The following ATE1 variants were observed in gnomAD, a reference collection of about 807,000 sequenced individuals.
ATE1 encodes arginyltransferase 1.
In ATE1, 36 loss-of-function variants were observed where a neutral mutation model predicts 70.5. That is an observed-to-expected ratio of 0.51 (90% CI 0.39 to 0.67). The LOEUF (loss-of-function observed/expected upper bound fraction) is 0.67, where lower values mean the gene tolerates loss of function less well. Ranked by LOEUF, ATE1 falls within the 30% of genes least tolerant of loss-of-function variation. The pLI, the probability that ATE1 is intolerant of heterozygous loss-of-function variation, is 0.00. For synonymous variants in ATE1, 232 were observed against 219.3 expected, an observed-to-expected ratio of 1.06 and a Z score of -0.51; for missense variants, 593 against 629.5, an observed-to-expected ratio of 0.94 and a Z score of 0.62.
intron 10 of ATE1, among the ~76,000 whole-genome samples, chr10:121,828,415 C>T (rs750620944): frequency 3.3e-5 from 5 of 152,208 alleles, no homozygotes; most frequent in African/African-American, 7.2e-5. Flanking sequence ...TTCTTCTGGT[C>T]TGTCTCGAGC....
chr10:121,927,213 C>T (rs1025561416), intron 1 of ATE1: 3 of 985,236 alleles, frequency 3.0e-6, no homozygotes, highest in Admixed American at 1.2e-4. Context: ...GCTTTGCTGT[C>T]GTCCGGGTGG....
Position 121,922,435 on chromosome 10 carries a change from T to C in ATE1, c.171-24A>G, listed in dbSNP as rs375558958. The C allele has an allele frequency of 1.8e-4, 259 of 1,456,908 alleles. 1 individual carries two copies. The highest frequency in any genetic ancestry group is 8.2e-4 in the Admixed American group (46 of 56,098). The allele number at this position is 1,456,908 out of a possible 1,614,324, so 90.2% of individuals were successfully genotyped here. The stretch of plus-strand genomic sequence containing the variant: ...TTCTAAAATTATAAAAATAGTTTGT[T>C]AATGTCTTATATATTTTTCACTTGC... On this transcript the variant is annotated intron_variant, in intron 2 of 11. Transcript: ENST00000224652.
At chr10:121,925,960 C>T (rs988520606) in intron 1 of ATE1, among the ~76,000 whole-genome samples, 7 of 151,910 alleles carry the variant, frequency 4.6e-5, no homozygotes, top group African/African-American at 1.7e-4. Context: ...AATCCCAGCA[C>T]TTTGGGAGGC....
At chr10:121,918,277 G>T (rs1325045024) in intron 3 of ATE1, among the ~76,000 whole-genome samples, 1 of 151,034 alleles carries the variant, frequency 6.6e-6, no homozygotes, top group Non-Finnish European at 1.5e-5. Context: ...AGGTTTCAGT[G>T]AGCAGAGATC....
Position 121,755,698 on chromosome 10 carries a change from A to G in ATE1, c.1379-11840T>C, listed in dbSNP as rs1693676. Among the ~76,000 whole-genome samples, 6 of 151,996 alleles carry G rather than the reference A, an allele frequency of 3.9e-5. No individual in the cohort carries two copies. In the East Asian group the frequency reaches 1.2e-3, roughly 30 times the overall value. ...CTTACATGGATGGTGGCAGGCAGAG[A>G]GCTTGTGCAGGGCAACTCCCATTTT... is the stretch of plus-strand genomic sequence containing the variant. On this transcript the variant is annotated intron_variant, in intron 11 of 11. Transcript: ENST00000224652.
chr10:121,911,526 C>T (rs1951431799), intron 4 of ATE1, among the ~76,000 whole-genome samples: 1 of 152,122 alleles, frequency 6.6e-6, no homozygotes, highest in African/African-American at 2.4e-5. Flanking sequence ...GACCAAGCTC[C>T]TGCCAACAGA....
intron 7 of ATE1, among the ~76,000 whole-genome samples, chr10:121,881,862 C>T (rs1220234008): frequency 3.3e-5 from 5 of 152,106 alleles, no homozygotes; most frequent in Non-Finnish European, 7.4e-5. Flanking sequence ...GGCACGACCT[C>T]GGCTCACTGC....
At chr10:121,864,465 G>A (rs1949588928) in intron 8 of ATE1, among the ~76,000 whole-genome samples, 1 of 152,216 alleles carries the variant, frequency 6.6e-6, no homozygotes, top group African/African-American at 2.4e-5. Flanking sequence ...AGGCCACAGA[G>A]CAGTACTGGT....
At chr10:121,884,255 G>A (rs1950313023) in intron 7 of ATE1, among the ~76,000 whole-genome samples, 1 of 151,698 alleles carries the variant, frequency 6.6e-6, no homozygotes, top group Non-Finnish European at 1.5e-5. Flanking sequence ...CTCCAATGTT[G>A]TATGATGGTA....
intron 10 of ATE1, among the ~76,000 whole-genome samples, chr10:121,803,751 T>C (rs1369227318): frequency 1.3e-5 from 2 of 152,204 alleles, no homozygotes; most frequent in East Asian, 3.8e-4. Context: ...ACAGAAAACA[T>C]TTTTCAGTGC....
intron 10 of ATE1, among the ~76,000 whole-genome samples, chr10:121,810,120 T>TTG (rs1266494983): frequency 6.6e-6 from 1 of 152,206 alleles, no homozygotes; most frequent in Non-Finnish European, 1.5e-5. Context: ...TAAAACAAGG[T>TTG]TTACTGCAGA....
intron 3 of ATE1, 64 bp from the exon 4 acceptor site, chr10:121,913,957 G>T: frequency 7.9e-7 from 1 of 1,258,090 alleles, no homozygotes; most frequent in Non-Finnish European, 1.1e-6. Flanking sequence ...AATCAGTTCT[G>T]GATATCACCT....
intron 10 of ATE1, among the ~76,000 whole-genome samples, chr10:121,810,901 C>T (rs1947294181): frequency 6.6e-6 from 1 of 152,080 alleles, no homozygotes; most frequent in South Asian, 2.1e-4. Flanking sequence ...CGGGGTTTCA[C>T]CATATTGGCC....
intron 8 of ATE1, among the ~76,000 whole-genome samples, chr10:121,864,479 A>G (rs1279055332): frequency 6.6e-6 from 1 of 152,256 alleles, no homozygotes; most frequent in Non-Finnish European, 1.5e-5. Flanking sequence ...TACTGGTCCC[A>G]GTCTGGGAAC....
At chr10:121,868,250 G>A (rs1262387903) in intron 8 of ATE1, among the ~76,000 whole-genome samples, 3 of 152,048 alleles carry the variant, frequency 2.0e-5, no homozygotes, top group Non-Finnish European at 2.9e-5. Context: ...TCAATTACCT[G>A]ATAAAAATCC....
intron 11 of ATE1, among the ~76,000 whole-genome samples, chr10:121,768,790 C>T (rs1290085904): frequency 2.0e-5 from 3 of 151,810 alleles, no homozygotes; most frequent in African/African-American, 7.3e-5. Flanking sequence ...GTATGTATGC[C>T]CTAAATTGCA....
intron 7 of ATE1, among the ~76,000 whole-genome samples, chr10:121,894,288 G>A (rs1950691208): frequency 6.6e-6 from 1 of 151,874 alleles, no homozygotes; most frequent in South Asian, 2.1e-4. Flanking sequence ...AAGGGACACT[G>A]TTCTCCCTAT....
At chr10:121,897,684 G>A (rs746749298) in intron 7 of ATE1, among the ~76,000 whole-genome samples, 1 of 152,058 alleles carries the variant, frequency 6.6e-6, no homozygotes, top group African/African-American at 2.4e-5. Flanking sequence ...AAATTAGACG[G>A]CTGTGGTGGC....
intron 1 of ATE1, 99 bp downstream of exon 1, chr10:121,927,745 G>A (rs897996051): frequency 9.2e-6 from 13 of 1,408,692 alleles, no homozygotes; most frequent in Middle Eastern, 2.6e-4. Context: ...GTGGCACTGG[G>A]GCCAGGGGCT....
Sources: allele counts gnomAD v4.1 joint callset (sites outside exome capture counted in the v4.1 genomes callset), GRCh38; gene constraint gnomAD v4.1.1; transcripts MANE v1.5; gene names NCBI Gene and HGNC (gene_info 2026-07-23, HGNC 2026-07-21).